PRKCB: variants seen among roughly 807,000 people sequenced by gnomAD.
The protein encoded by PRKCB is protein kinase C beta.
A neutral mutation model predicts 81.5 loss-of-function variants in PRKCB; 13 were observed. That is an observed-to-expected ratio of 0.16 (90% CI 0.10 to 0.25). PRKCB has a LOEUF of 0.25. PRKCB is among the 10% of genes least tolerant of loss of function. PRKCB has a pLI of 1.00. For missense variants in PRKCB, 509 were observed against 875.7 expected, an observed-to-expected ratio of 0.58 and a Z score of 5.29; for synonymous variants, 335 against 321.4, an observed-to-expected ratio of 1.04 and a Z score of -0.45.
chr16:23,891,811 A>G (rs3785397), intron 2 of PRKCB, among the ~76,000 whole-genome samples: 44,905 of 152,126 alleles, frequency 0.3, 7,058 homozygotes, highest in South Asian at 0.43. Context: ...ATAATGTGAC[A>G]TGTTTGTCCA....
chr16:23,888,652 T>C (rs1302180032), intron 2 of PRKCB, among the ~76,000 whole-genome samples: 1 of 150,002 alleles, frequency 6.7e-6, no homozygotes, highest in Non-Finnish European at 1.5e-5. Flanking sequence ...TCCCTCCCTC[T>C]GCCACCCTCG....
At chr16:24,024,554 T>C (rs1965451458) in intron 3 of PRKCB, among the ~76,000 whole-genome samples, 1 of 152,222 alleles carries the variant, frequency 6.6e-6, no homozygotes, top group South Asian at 2.1e-4. Context: ...TGTGTGTGTA[T>C]ATTCAGAACA....
At chr16:23,969,544 T>A (rs2141800331) in intron 2 of PRKCB, among the ~76,000 whole-genome samples, 1 of 152,356 alleles carries the variant, frequency 6.6e-6, no homozygotes, top group African/African-American at 2.4e-5. Context: ...AAAATGAGGA[T>A]GTTAGTAGTT....
chr16:24,112,689 G>T (rs1015694223), intron 7 of PRKCB, among the ~76,000 whole-genome samples: 1 of 152,186 alleles, frequency 6.6e-6, no homozygotes, highest in Admixed American at 6.5e-5. Context: ...CTGTGTAAGT[G>T]TGTATAGAGA....
intron 9 of PRKCB, among the ~76,000 whole-genome samples, chr16:24,132,568 G>A (rs1282780011): frequency 6.6e-6 from 1 of 152,072 alleles, no homozygotes; most frequent in African/African-American, 2.4e-5. Context: ...CATTTTTTGG[G>A]TCCTTACTAT....
intron 5 of PRKCB, among the ~76,000 whole-genome samples, chr16:24,073,297 C>T (rs911215027): frequency 1.3e-5 from 2 of 152,206 alleles, no homozygotes; most frequent in South Asian, 2.1e-4. Context: ...CATTGCCCAC[C>T]TGTTTGAATC....
At chr16:23,863,206 G>GTATATATATACA (rs1321862427) in intron 2 of PRKCB, among the ~76,000 whole-genome samples, 3 of 60,528 alleles carry the variant, frequency 5.0e-5, no homozygotes, top group South Asian at 8.1e-4. Context: ...GTATATATGT[G>GTATATATATACA]TATATATACA....
intron 2 of PRKCB, among the ~76,000 whole-genome samples, chr16:23,928,448 G>A (rs754804242): frequency 2.0e-5 from 3 of 152,104 alleles, no homozygotes; most frequent in Non-Finnish European, 4.4e-5. Context: ...TACTGAGCAA[G>A]AGCTTGTGCA....
At chr16:23,842,344 C>T (rs766327263) in intron 2 of PRKCB, among the ~76,000 whole-genome samples, 2 of 152,158 alleles carry the variant, frequency 1.3e-5, no homozygotes, top group Admixed American at 6.5e-5. Context: ...ATAGCCACAG[C>T]AAGTATCAAT....
At chr16:23,949,052 A>G (rs1964240705) in intron 2 of PRKCB, among the ~76,000 whole-genome samples, 1 of 152,214 alleles carries the variant, frequency 6.6e-6, no homozygotes, top group Non-Finnish European at 1.5e-5. Flanking sequence ...TTCTAGTGAC[A>G]GTGATTCAGG....
At chr16:23,937,899 G>A (rs1323409547) in intron 2 of PRKCB, among the ~76,000 whole-genome samples, 1 of 152,172 alleles carries the variant, frequency 6.6e-6, no homozygotes, top group Non-Finnish European at 1.5e-5. Context: ...ACGTTCAGTT[G>A]TGTGGCTGCC....
chr16:24,180,975 G>T, intron 13 of PRKCB, 47 bp downstream of exon 13: 2 of 1,601,868 alleles, frequency 1.2e-6, no homozygotes, highest in East Asian at 2.2e-5. Context: ...TGTACCCTCT[G>T]CTCCCCAGAT....
At chr16:23,855,554 G>A (rs1291235481) in intron 2 of PRKCB, among the ~76,000 whole-genome samples, 1 of 152,212 alleles carries the variant, frequency 6.6e-6, no homozygotes, top group Non-Finnish European at 1.5e-5. Flanking sequence ...ATGTCCTAAA[G>A]ACCTCATCTT....
chr16:23,947,569 A>G (rs1032377435), intron 2 of PRKCB, among the ~76,000 whole-genome samples: 2 of 152,048 alleles, frequency 1.3e-5, no homozygotes, highest in African/African-American at 4.8e-5. Context: ...TGGTTGGTGC[A>G]TTTTCCTGCC....
At chr16:24,046,006 T>G (rs1460532358) in intron 5 of PRKCB, among the ~76,000 whole-genome samples, 1 of 152,246 alleles carries the variant, frequency 6.6e-6, no homozygotes, top group East Asian at 1.9e-4. Flanking sequence ...CCTCTTTCAT[T>G]GGTGACCTGC....
intron 15 of PRKCB, among the ~76,000 whole-genome samples, chr16:24,187,746 A>G (rs1169293531): frequency 6.6e-6 from 1 of 152,054 alleles, no homozygotes; most frequent in African/African-American, 2.4e-5. Flanking sequence ...TGGAGTGATC[A>G]TGGCTCACTG....
rs916021405 is a variant in PRKCB, at chr16:24,061,924, A to C, written c.529+26377A>C. Among the ~76,000 whole-genome samples the C allele has an allele frequency of 3.1e-3, 458 of 149,850 alleles. 2 individuals carry two copies. The highest frequency in any genetic ancestry group is 0.011 in the African/African-American group (433 of 40,578). On this transcript the variant is annotated intron_variant, in intron 5 of 16. Transcript: ENST00000643927. ...CCTTAAATAAATAAAAAAAAAAAAA[A>C]AAAAAAAAACTTGAGGCCTGCTGGA...
intron 3 of PRKCB, among the ~76,000 whole-genome samples, chr16:24,003,362 G>A (rs144855807): frequency 4.6e-3 from 695 of 150,566 alleles, no homozygotes; most frequent in Middle Eastern, 0.017. Context: ...CCCTAGTGGA[G>A]GAATTAGCCT....
chr16:23,915,138 G>A (rs1397747562), intron 2 of PRKCB, among the ~76,000 whole-genome samples: 2 of 152,108 alleles, frequency 1.3e-5, no homozygotes, highest in Non-Finnish European at 2.9e-5. Flanking sequence ...TGATCTCTGG[G>A]GACTCCTTAG....
Sources: allele counts gnomAD v4.1 joint callset (sites outside exome capture counted in the v4.1 genomes callset), GRCh38; gene constraint gnomAD v4.1.1; transcripts MANE v1.5; gene names NCBI Gene and HGNC (gene_info 2026-07-23, HGNC 2026-07-21).